Variants in PPM1H observed in about 807,000 individuals in gnomAD.
PPM1H encodes the protein protein phosphatase, Mg2+/Mn2+ dependent 1H, also known as protein phosphatase 1H.
PPM1H carries 27 observed loss-of-function variants against 54.9 expected under a neutral mutation model. The observed-to-expected ratio is 0.49, with a 90% CI of 0.36 to 0.68. The LOEUF (loss-of-function observed/expected upper bound fraction) is 0.68. PPM1H is among the 30% of genes least tolerant of loss of function. The pLI is 0.00. For missense variants in PPM1H, 596 were observed against 667.8 expected (o/e 0.89, Z 1.19); for synonymous variants, 305 against 270.8 (o/e 1.13, Z -1.24).
At chr12:62,667,391 A>C in intron 8 of PPM1H, 62 bp from the exon 9 acceptor site, 1 of 1,367,136 alleles carries the variant, frequency 7.3e-7, no homozygotes, top group Non-Finnish European at 9.8e-7. Flanking sequence ...TCCCTAACAA[A>C]CTGACTTCTG....
At chr12:62,789,970 C>T (rs2076694053) in intron 3 of PPM1H, among the ~76,000 whole-genome samples, 1 of 152,184 alleles carries the variant, frequency 6.6e-6, no homozygotes, top group Non-Finnish European at 1.5e-5. Flanking sequence ...TGGTAATCTA[C>T]TACTTTTGGT....
intron 6 of PPM1H, among the ~76,000 whole-genome samples, chr12:62,714,419 G>T (rs1015816523): frequency 2.6e-5 from 4 of 152,174 alleles, no homozygotes; most frequent in Non-Finnish European, 5.9e-5. Flanking sequence ...ACAGAGGAGG[G>T]AAAATTATCG....
rs546164530 is a variant in PPM1H, at chr12:62,815,259, T to A, written c.412-13099A>T. Among the ~76,000 whole-genome samples, 3 of 152,172 alleles carry A rather than the reference T, an allele frequency of 2.0e-5. No homozygotes were observed. The East Asian group carries it at 5.8e-4, about 29-fold the overall frequency. On this transcript the variant is annotated intron_variant, in intron 2 of 9. Coordinates refer to ENST00000228705, the MANE Select transcript of PPM1H (RefSeq NM_020700.2). ...AAAAAAATCCCTTAATTTCATATAC[T>A]TTAATGAATATGCTGCTTCCTTCTC... is the stretch of plus-strand genomic sequence containing the variant.
intron 1 of PPM1H, among the ~76,000 whole-genome samples, chr12:62,857,952 T>C (rs1016465765): frequency 6.6e-6 from 1 of 152,158 alleles, no homozygotes; most frequent in African/African-American, 2.4e-5. Context: ...TTAATGTATA[T>C]ACCCTTATCT....
Position 62,694,812 on chromosome 12 carries a change from A to G in PPM1H, c.1074-813T>C, listed in dbSNP as rs192622670. Among the ~76,000 whole-genome samples, 32 of 152,330 alleles carry G rather than the reference A, an allele frequency of 2.1e-4. 1 individual carries two copies. Among genetic ancestry groups the G allele is most frequent in the Admixed American group, 2.1e-3 (32 of 15,302 alleles). On this transcript the variant is annotated intron_variant, in intron 6 of 9. Coordinates refer to ENST00000228705, the MANE Select transcript of PPM1H (RefSeq NM_020700.2). Reference sequence around the variant, plus strand: ...TGAGGCTAATACACAGGATACAAAGAGCTCAGTACAGAGCCTGCACTTAGT... The same window carrying G: ...TGAGGCTAATACACAGGATACAAAGGGCTCAGTACAGAGCCTGCACTTAGT...
intron 8 of PPM1H, among the ~76,000 whole-genome samples, chr12:62,687,944 G>A (rs1487224490): frequency 6.6e-6 from 1 of 151,332 alleles, no homozygotes; most frequent in Non-Finnish European, 1.5e-5. Context: ...GGGAGGTGGA[G>A]GGTGCAGTGA....
At chr12:62,667,784 A>AG (rs567114955) in intron 8 of PPM1H, among the ~76,000 whole-genome samples, 173 of 152,334 alleles carry the variant, frequency 1.1e-3, no homozygotes, top group African/African-American at 4.0e-3. Flanking sequence ...GCTTCAGAGG[A>AG]GGTCTCAGTC....
chr12:62,690,903 G>A (rs1361996580), intron 7 of PPM1H, among the ~76,000 whole-genome samples: 6 of 152,150 alleles, frequency 3.9e-5, no homozygotes, highest in Admixed American at 3.9e-4. Flanking sequence ...CCTGGAAGGT[G>A]GAGGTTGCAG....
intron 2 of PPM1H, among the ~76,000 whole-genome samples, chr12:62,816,257 C>G (rs61921194): frequency 0.072 from 10,991 of 152,214 alleles, 590 homozygotes; most frequent in African/African-American, 0.14. Context: ...AGCTTCCTCA[C>G]CAGTTAAAAA....
chr12:62,769,892 G>A (rs972240837), intron 4 of PPM1H, among the ~76,000 whole-genome samples: 8 of 152,154 alleles, frequency 5.3e-5, no homozygotes, highest in African/African-American at 1.9e-4. Flanking sequence ...CCCACATGTT[G>A]CAAGAGAAAA....
Position 62,934,629 on chromosome 12 carries a change from G to A in PPM1H, c.108C>T (p.Pro36=). ...GGGSCGGSDL[P]LRFPYGRPEF... ...CTGGCCGCCCGTAGGGGAAACGCAGGGGCAGGTCCGAGCCTCCGCAGCTGC... is the reference window on the plus strand; with the variant it reads ...CTGGCCGCCCGTAGGGGAAACGCAGAGGCAGGTCCGAGCCTCCGCAGCTGC... Residue 36 remains proline (P), a synonymous_variant, in exon 1 of 10, where the codon CCC becomes CCT. Transcript: ENST00000228705. This position sits in a 1 kb window ranked among gnomAD's most constrained non-coding sequence, Gnocchi z 4.2. 1 of 1,591,672 alleles carries A rather than the reference G, an allele frequency of 6.3e-7. No homozygotes were observed. The highest frequency in any genetic ancestry group is 8.5e-7 in the Non-Finnish European group (1 of 1,170,558).
At chr12:62,657,090 G>A (rs923251214) in intron 9 of PPM1H, among the ~76,000 whole-genome samples, 2 of 152,100 alleles carry the variant, frequency 1.3e-5, no homozygotes, top group Admixed American at 6.5e-5. Context: ...CCAGAATAAC[G>A]ACAACTGTTG....
rs1868868512 is a variant in PPM1H, at chr12:62,844,222, C to T, written c.246-11943G>A. On this transcript the variant is annotated intron_variant, in intron 1 of 9. Transcript: ENST00000228705. This position sits in a 1 kb window ranked among gnomAD's most constrained non-coding sequence, Gnocchi z 5.2. The stretch of plus-strand genomic sequence containing the variant: ...CCAAAGTGGGGAAGCTAAGGTTTCA[C>T]TTATATAGGCAGAAACAGTTTTAGC... 6.6e-6 allele frequency among the ~76,000 whole-genome samples: 1 copy of T among 152,170 alleles called. No individual in the cohort carries two copies. The highest frequency in any genetic ancestry group is 2.4e-5 in the African/African-American group (1 of 41,440).
At chr12:62,663,165 T>C (rs1291469797) in intron 9 of PPM1H, among the ~76,000 whole-genome samples, 1 of 152,192 alleles carries the variant, frequency 6.6e-6, no homozygotes, top group Non-Finnish European at 1.5e-5. Context: ...AAAACAATTC[T>C]GTGAATATCT....
At position 62,645,982 on chromosome 12, in the gene PPM1H, T is replaced by G. The variant is rs983770815; in HGVS notation, c.*2507A>C. On this transcript the variant is annotated 3_prime_UTR_variant, in exon 10 of 10. Coordinates refer to ENST00000228705, the MANE Select transcript of PPM1H (RefSeq NM_020700.2). ...GTAAAAAAATAAGGCCAAAACTGAG[T>G]AAGCTCAATTTATAGAGCAATATCA... 1 of 152,156 alleles carries G rather than the reference T, an allele frequency of 6.6e-6. No individual in the cohort carries two copies. The allele number at this position is 152,156 out of a possible 1,614,324, so 9.4% of individuals were successfully genotyped here. A position where few individuals can be genotyped will look rare whatever the true frequency, so the allele number is the denominator to read the frequency against.
chr12:62,748,230 G>A (rs1370169178), intron 4 of PPM1H, among the ~76,000 whole-genome samples: 3 of 150,642 alleles, frequency 2.0e-5, no homozygotes, highest in South Asian at 2.1e-4. Flanking sequence ...GCGACAGAGC[G>A]AGACTCCGTC....
chr12:62,695,699 A>G (rs1053505292), intron 6 of PPM1H, among the ~76,000 whole-genome samples: 2 of 152,150 alleles, frequency 1.3e-5, no homozygotes, highest in African/African-American at 4.8e-5. Flanking sequence ...GGTGATTCCA[A>G]TGTGCAGCCA....
At chr12:62,830,939 T>C (rs79626784) in intron 2 of PPM1H, among the ~76,000 whole-genome samples, 43,152 of 151,486 alleles carry the variant, frequency 0.28, 7,708 homozygotes, top group African/African-American at 0.51. Flanking sequence ...CTGCAAGCTC[T>C]GCCTCCTGGG....
intron 1 of PPM1H, among the ~76,000 whole-genome samples, chr12:62,927,947 T>G (rs1402576274): frequency 6.6e-6 from 1 of 152,188 alleles, no homozygotes; most frequent in Non-Finnish European, 1.5e-5. Context: ...TAAAAATGTT[T>G]TAAGTATTTC....
Sources: allele counts gnomAD v4.1 joint callset (sites outside exome capture counted in the v4.1 genomes callset), GRCh38; gene constraint gnomAD v4.1.1; non-coding constraint Gnocchi (gnomAD v3.1); transcripts MANE v1.5; gene names NCBI Gene and HGNC (gene_info 2026-07-23, HGNC 2026-07-21).